MTFR1L: variants seen among roughly 807,000 people sequenced by gnomAD.
MTFR1L encodes the protein mitochondrial fission regulator 1 like, also known as mitochondrial fission regulator 1-like.
MTFR1L carries 10 observed loss-of-function variants against 27.9 expected under a neutral mutation model. That is an observed-to-expected ratio of 0.36 (90% CI 0.22 to 0.61). The LOEUF (loss-of-function observed/expected upper bound fraction) is 0.61. Ranked by LOEUF, MTFR1L falls within the 20% of genes least tolerant of loss-of-function variation. MTFR1L has a pLI of 0.73. For missense variants in MTFR1L, 315 were observed against 363.7 expected (o/e 0.87, Z 1.09); for synonymous variants, 151 against 139.4 (o/e 1.08, Z -0.58).
intron 1 of MTFR1L, chr1:25,820,285 G>A (rs1175285117): frequency 8.8e-6 from 4 of 455,914 alleles, no homozygotes; most frequent in Non-Finnish European, 8.8e-6. Flanking sequence ...GCTGCTTGAC[G>A]GGCCGGGCTG....
intron 3 of MTFR1L, chr1:25,825,899 T>A (rs2048161225): frequency 4.9e-6 from 1 of 203,714 alleles, no homozygotes; most frequent in South Asian, 8.3e-5. Flanking sequence ...AGTGGTGCAA[T>A]CTCAGCTCAC....
chr1:25,829,939 T>C (rs2048216091), intron 6 of MTFR1L, 109 bp downstream of exon 6: 2 of 1,097,618 alleles, frequency 1.8e-6, no homozygotes, highest in Non-Finnish European at 1.3e-6. Flanking sequence ...CCATATGTTA[T>C]GTCATTCATA....
chr1:25,831,984 G>A lies in MTFR1L; in HGVS notation c.837G>A (p.Lys279=). ...AVLISEVLRR[K]FALKEEDISR... is the part of the protein sequence containing the mutation. ...TTATCTCTGAGGTCCTAAGGAGGAAGTTTGCTCTAAAGGAAGAAGATATCA... is the reference window on the plus strand; with the variant it reads ...TTATCTCTGAGGTCCTAAGGAGGAAATTTGCTCTAAAGGAAGAAGATATCA... Residue 279 remains lysine (K), a synonymous_variant, in exon 7 of 7, where the codon AAG becomes AAA. Transcript: ENST00000374303. 2 of 1,614,220 alleles carry A rather than the reference G, an allele frequency of 1.2e-6. No individual in the cohort carries two copies. Among genetic ancestry groups the A allele is most frequent in the East Asian group, 2.2e-5 (1 of 44,882 alleles).
At position 25,823,726 on chromosome 1, in the gene MTFR1L, C is replaced by T. The variant is rs772891310; in HGVS notation, c.107C>T (p.Pro36Leu). Residue 36 changes from proline (P) to leucine (L), a missense_variant, in exon 3 of 7, where the codon CCG becomes CTG. Transcript: ENST00000374303. ...RRIGTNLPLK[P>L]CARASFETLP... is the part of the protein sequence containing the mutation. Reference sequence around the variant, plus strand: ...ATTGGGACCAACCTACCCTTGAAGCCGTGTGCCCGGGCGTCCTTTGAGGTG... The same window carrying T: ...ATTGGGACCAACCTACCCTTGAAGCTGTGTGCCCGGGCGTCCTTTGAGGTG... 102 of 1,613,902 alleles carry T rather than the reference C, an allele frequency of 6.3e-5. No homozygotes were observed. The highest frequency in any genetic ancestry group is 8.1e-5 in the Non-Finnish European group (95 of 1,179,978).
At chr1:25,830,882 C>T (rs1398793302) in intron 6 of MTFR1L, among the ~76,000 whole-genome samples, 1 of 152,196 alleles carries the variant, frequency 6.6e-6, no homozygotes, top group African/African-American at 2.4e-5. Flanking sequence ...TTCACTGGCC[C>T]TAGTCAGGTT....
chr1:25,829,199 A>G (rs1557444766), intron 5 of MTFR1L, among the ~76,000 whole-genome samples: 1 of 152,196 alleles, frequency 6.6e-6, no homozygotes, highest in East Asian at 1.9e-4. Context: ...GCTTTGGCCT[A>G]TGACAGGGCT....
At chr1:25,820,113 T>C in intron 1 of MTFR1L, 84 bp downstream of exon 1, 1 of 444,162 alleles carries the variant, frequency 2.3e-6, no homozygotes, top group Non-Finnish European at 4.5e-6. Flanking sequence ...CCGGGCGCTG[T>C]GCGGAGCCCG....
intron 5 of MTFR1L, among the ~76,000 whole-genome samples, chr1:25,827,443 C>CT (rs1267306550): frequency 1.3e-5 from 2 of 151,206 alleles, no homozygotes; most frequent in Admixed American, 6.6e-5. Context: ...GCCAGTTTTC[C>CT]TTTTTTTGGA....
intron 1 of MTFR1L, chr1:25,820,958 AT>A (rs2048083264): frequency 3.4e-6 from 1 of 297,472 alleles, no homozygotes. Flanking sequence ...ATGATGAAGA[AT>A]GAGCTCGGCG....
At chr1:25,823,622 T>C in intron 2 of MTFR1L, 22 bp from the exon 3 acceptor site, 1 of 1,612,018 alleles carries the variant, frequency 6.2e-7, no homozygotes, top group Non-Finnish European at 8.5e-7. Context: ...GGGTTGTAGC[T>C]GTCTCCGTCT....
In MTFR1L at chr1:25,826,818, C is replaced by G; in HGVS notation, c.443C>G (p.Ala148Gly). 2 of 1,613,782 alleles carry G rather than the reference C, an allele frequency of 1.2e-6. No homozygotes were observed. The highest frequency in any genetic ancestry group is 1.7e-6 in the Non-Finnish European group (2 of 1,179,982). Residue 148 changes from alanine to glycine, a missense_variant, in exon 5 of 7, where the codon GCT becomes GGT. Physicochemically the swap from Ala to Gly is moderately conservative, Grantham distance 60 (BLOSUM62 0). Coordinates refer to ENST00000374303, the MANE Select transcript of MTFR1L (RefSeq NM_001099625.2). This position sits in a 1 kb window ranked among gnomAD's most constrained non-coding sequence, Gnocchi z 4.1. ...AGCCAGATTGCAAAGATAGTGGCAG[C>G]TGATGCAGGTAGGAGCCCCTGTGCC... ...LRSQIAKIVA[A>G]DAASASLTPD...
At chr1:25,829,478 G>T in intron 5 of MTFR1L, 31 bp from the exon 6 acceptor site, 1 of 1,589,028 alleles carries the variant, frequency 6.3e-7, no homozygotes, top group Non-Finnish European at 8.6e-7. Flanking sequence ...TAGCCCCAAT[G>T]TCCACCCATG....
chr1:25,828,368 A>T (rs1050197042), intron 5 of MTFR1L, among the ~76,000 whole-genome samples: 3 of 152,200 alleles, frequency 2.0e-5, no homozygotes, highest in Non-Finnish European at 4.4e-5. Flanking sequence ...GGATCACCTG[A>T]GGTCAGGAGT....
chr1:25,820,580 T>C, intron 1 of MTFR1L: 1 of 380,476 alleles, frequency 2.6e-6, no homozygotes, highest in Non-Finnish European at 5.0e-6. Flanking sequence ...GGCCCTGCGC[T>C]GGAGGAGCTC....
rs1208340626 is a variant in MTFR1L, at chr1:25,829,450, G to A, written c.452-59G>A. 6 of 1,449,236 alleles carry A rather than the reference G, an allele frequency of 4.1e-6. No homozygotes were observed. The Admixed American group carries it at 7.2e-5, about 17-fold the overall frequency. 89.8% of individuals were successfully genotyped at this position (1,449,236 alleles called of 1,614,324 possible). On this transcript the variant is annotated intron_variant, in intron 5 of 6. Coordinates refer to ENST00000374303, the MANE Select transcript of MTFR1L (RefSeq NM_001099625.2). Reference sequence around the variant, plus strand: ...TCAGTAGGCAGGGCTGTGGGGAGAAGATATTGCTACTGTGTTCTAGCCCCA... The same window carrying A: ...TCAGTAGGCAGGGCTGTGGGGAGAAAATATTGCTACTGTGTTCTAGCCCCA...
chr1:25,832,625 T>C lies in MTFR1L; in HGVS notation c.*599T>C, dbSNP rs1436434090. ...CTGCTGGGAAGCCTGGGCTGTTTTT[T>C]TTCTTAAACACATTTTATATTACTG... On this transcript the variant is annotated 3_prime_UTR_variant, in exon 7 of 7. Transcript: ENST00000374303. 1.2e-5 allele frequency: 2 copies of C among 168,090 alleles called. No individual in the cohort carries two copies. The highest frequency in any genetic ancestry group is 2.4e-5 in the African/African-American group (1 of 41,958). The allele number at this position is 168,090 out of a possible 1,614,324, so 10.4% of individuals were successfully genotyped here. A position where few individuals can be genotyped will look rare whatever the true frequency, so the allele number is the denominator to read the frequency against.
At chr1:25,821,037 G>A in intron 1 of MTFR1L, 3 of 276,578 alleles carry the variant, frequency 1.1e-5, no homozygotes, top group Non-Finnish European at 1.4e-5. Context: ...GGGCCAGTGT[G>A]GCTGGAGGGC....
chr1:25,832,815 G>A lies in MTFR1L; in HGVS notation c.*789G>A, dbSNP rs2048264610. ...TGACTGCTCCTTTGGGCTGGGCCAA[G>A]GTTTGTATGTACCACACCATGCATG... On this transcript the variant is annotated 3_prime_UTR_variant, in exon 7 of 7. Transcript: ENST00000374303. 1 of 156,278 alleles carries A rather than the reference G, an allele frequency of 6.4e-6. No individual in the cohort carries two copies. Among genetic ancestry groups the A allele is most frequent in the African/African-American group, 2.4e-5 (1 of 41,418 alleles). 9.7% of individuals were successfully genotyped at this position (156,278 alleles called of 1,614,324 possible).
chr1:25,823,688 TGTA>T lies in MTFR1L; in HGVS notation c.73_75del (p.Val25del). The T allele has an allele frequency of 6.2e-7, 1 of 1,613,942 alleles. No individual in the cohort carries two copies. On this transcript the variant is annotated inframe_deletion, in exon 3 of 7. Transcript: ENST00000374303. ...ACAAGCCACATGGGGCTGCTCGAAG[TGTA>T]GTAAGAAGAATTGGGACCAACCTAC...
Sources: gnomAD v4.1 joint callset for allele counts (sites outside exome capture counted in the v4.1 genomes callset) on GRCh38, gnomAD v4.1.1 for gene constraint, Gnocchi (gnomAD v3.1) non-coding constraint, MANE v1.5 for transcripts, NCBI Gene and HGNC (gene_info 2026-07-23, HGNC 2026-07-21) for gene names.